The following SPAST variants were observed in gnomAD, a reference collection of about 807,000 sequenced individuals.
The protein encoded by SPAST is spastin, also known as spastic paraplegia 4 (autosomal dominant; spastin).
Under a neutral mutation model 76.6 loss-of-function variants are expected in SPAST, and 30 were observed. That is an observed-to-expected ratio of 0.39 (90% CI 0.29 to 0.53). SPAST has a LOEUF of 0.53. Among genes scored for constraint, SPAST ranks in the 20% least tolerant of loss-of-function variants. SPAST has a pLI of 0.68. For synonymous variants in SPAST, 305 were observed against 281.0 expected (o/e 1.09, Z -0.86); for missense variants, 717 against 770.5 (o/e 0.93, Z 0.82).
At chr2:32,087,918 CTT>C (rs1677558431) in intron 2 of SPAST, among the ~76,000 whole-genome samples, 2 of 150,872 alleles carry the variant, frequency 1.3e-5, no homozygotes, top group African/African-American at 2.4e-5. Flanking sequence ...GAGTCTCGCT[CTT>C]TTGCCCAGGC....
chr2:32,082,424 G>C (rs1218411593), intron 1 of SPAST, among the ~76,000 whole-genome samples: 1 of 152,010 alleles, frequency 6.6e-6, no homozygotes, highest in Admixed American at 6.6e-5. Flanking sequence ...TGCTGGGCAC[G>C]GTGGCTCAAT....
chr2:32,088,233 G>C (rs567284939), intron 2 of SPAST, among the ~76,000 whole-genome samples: 2 of 151,696 alleles, frequency 1.3e-5, no homozygotes, highest in Admixed American at 6.6e-5. Context: ...GGGTCTCACT[G>C]TGTTTCTGTG....
chr2:32,144,378 T>C (rs1186987841), intron 14 of SPAST, among the ~76,000 whole-genome samples: 2 of 152,192 alleles, frequency 1.3e-5, no homozygotes, highest in Non-Finnish European at 2.9e-5. Flanking sequence ...AGGTGACATG[T>C]TTACAATTTA....
intron 9 of SPAST, among the ~76,000 whole-genome samples, chr2:32,132,978 G>A (rs1213198389): frequency 6.6e-6 from 1 of 152,034 alleles, no homozygotes; most frequent in Non-Finnish European, 1.5e-5. Flanking sequence ...CCCAGGAGGC[G>A]GAGGTTGCGG....
At chr2:32,145,087 C>T (rs1321013769) in intron 15 of SPAST, 80 bp downstream of exon 15, 1 of 1,069,284 alleles carries the variant, frequency 9.4e-7, no homozygotes, top group Admixed American at 2.1e-5. Context: ...AAAAATCTAC[C>T]AAGAGATTTT....
rs547728041 is a variant in SPAST at position 32,111,423 on chromosome 2, A to G, written c.683-3215A>G. Among the ~76,000 whole-genome samples the G allele has an allele frequency of 9.5e-4, 139 of 146,828 alleles. 1 individual carries two copies. Among genetic ancestry groups the G allele is most frequent in the African/African-American group, 3.3e-3 (136 of 40,886 alleles). ...ATATATATAGTATACTGTATAGTGT[A>G]TAGAGTATATATATAGTATACTGTA... On this transcript the variant is annotated intron_variant, in intron 4 of 16. Coordinates refer to ENST00000315285, the MANE Select transcript of SPAST (RefSeq NM_014946.4).
intron 1 of SPAST, among the ~76,000 whole-genome samples, chr2:32,080,782 T>C (rs1677188562): frequency 1.4e-5 from 2 of 140,598 alleles, no homozygotes; most frequent in South Asian, 4.8e-4. Context: ...CTGGCTCAGT[T>C]CTTTTTTTTT....
chr2:32,147,344 G>GTGTGTGTGTGT, intron 16 of SPAST, 86 bp downstream of exon 16: 2 of 266,512 alleles, frequency 7.5e-6, no homozygotes. Flanking sequence ...GTGTGTGTGT[G>GTGTGTGTGTGT]GTTTTTTTTT....
intron 9 of SPAST, 57 bp downstream of exon 9, chr2:32,128,536 T>G: frequency 2.7e-6 from 3 of 1,099,184 alleles, no homozygotes; most frequent in Non-Finnish European, 4.2e-6. Context: ...AATGTTACTG[T>G]GTTAACTGTA....
intron 4 of SPAST, among the ~76,000 whole-genome samples, chr2:32,106,820 G>A (rs1398285605): frequency 4.0e-5 from 6 of 151,290 alleles, no homozygotes; most frequent in East Asian, 1.9e-4. Flanking sequence ...TTCAAGTATC[G>A]ATATAAGTAT....
Position 32,064,056 on chromosome 2 carries a change from C to A in SPAST, c.225C>A (p.Phe75Leu), listed in dbSNP as rs971672853. ...RLVAFHLGLL[F>L]VWLCQRFSRA... ...TCGCCTTCCACCTGGGGCTCCTCTT[C>A]GTGTGGCTCTGCCAGCGCTTCTCCC... is the stretch of plus-strand genomic sequence containing the variant. Residue 75 changes from phenylalanine (F) to leucine (L), a missense_variant, in exon 1 of 17, where the codon TTC (phenylalanine) becomes TTA (leucine). Physicochemically the swap from Phe to Leu is conservative, Grantham distance 22. This residue lies in a region of SPAST where 543 missense variants were observed against 445.2 expected (regional missense o/e 1.22). Coordinates refer to ENST00000315285, the MANE Select transcript of SPAST (RefSeq NM_014946.4). 6.2e-6 allele frequency: 10 copies of A among 1,613,102 alleles called. No homozygotes were observed. The African/African-American group carries it at 1.3e-4, about 22-fold the overall frequency.
At chr2:32,087,696 T>TTC (rs1215914209) in intron 2 of SPAST, 118 bp downstream of exon 2, 4 of 212,974 alleles carry the variant, frequency 1.9e-5, no homozygotes, top group Non-Finnish European at 2.6e-5. Context: ...TTTCTTTTCT[T>TTC]TTTTTTTTTT....
chr2:32,082,242 C>G (rs1257342321), intron 1 of SPAST, among the ~76,000 whole-genome samples: 1 of 151,376 alleles, frequency 6.6e-6, no homozygotes, highest in Non-Finnish European at 1.5e-5. Flanking sequence ...ATCCGCCTGC[C>G]TCAGCCTTCC....
intron 1 of SPAST, among the ~76,000 whole-genome samples, chr2:32,079,095 C>G (rs1677092456): frequency 6.6e-6 from 1 of 152,144 alleles, no homozygotes; most frequent in Non-Finnish European, 1.5e-5. Flanking sequence ...CCCACCTCAG[C>G]CTCCCGAAGT....
In SPAST at chr2:32,115,690, G is replaced by A. The variant is rs764275621; in HGVS notation, c.871-12G>A. ...GGTTGTATTTTCATATTAAAATTTT[G>A]TATCCTTTAAGGGTACTCCGAAAAC... is the stretch of plus-strand genomic sequence containing the variant. On this transcript the variant is annotated splice_polypyrimidine_tract_variant and intron_variant, in intron 5 of 16. Coordinates refer to ENST00000315285, the MANE Select transcript of SPAST (RefSeq NM_014946.4). The A allele has an allele frequency of 1.9e-6, 3 of 1,584,768 alleles. No individual in the cohort carries two copies. The highest frequency in any genetic ancestry group is 2.7e-5 in the African/African-American group (2 of 74,340).
intron 1 of SPAST, among the ~76,000 whole-genome samples, chr2:32,068,651 T>C (rs1418820718): frequency 6.6e-6 from 1 of 152,122 alleles, no homozygotes. Flanking sequence ...TGATTTTAGT[T>C]CAACAACTGA....
At chr2:32,074,404 G>T (rs376562941) in intron 1 of SPAST, among the ~76,000 whole-genome samples, 1 of 152,146 alleles carries the variant, frequency 6.6e-6, no homozygotes, top group Non-Finnish European at 1.5e-5. Flanking sequence ...ATTATTTCAT[G>T]CTGATATTCT....
intron 9 of SPAST, among the ~76,000 whole-genome samples, chr2:32,132,566 A>G (rs1233888680): frequency 1.3e-5 from 2 of 151,636 alleles, no homozygotes; most frequent in African/African-American, 2.4e-5. Flanking sequence ...TCAAATATAT[A>G]GGAACTTAAT....
intron 1 of SPAST, among the ~76,000 whole-genome samples, chr2:32,083,677 T>TA (rs1677329119): frequency 2.2e-5 from 3 of 134,450 alleles, no homozygotes; most frequent in African/African-American, 8.2e-5. Flanking sequence ...ATATATATAT[T>TA]TTTATGCTAT....
Sources: allele counts gnomAD v4.1 joint callset (sites outside exome capture counted in the v4.1 genomes callset), GRCh38; gene constraint gnomAD v4.1.1; regional missense constraint gnomAD v4.1.1; transcripts MANE v1.5; gene names NCBI Gene and HGNC (gene_info 2026-07-23, HGNC 2026-07-21).